PRH1: variants seen among roughly 807,000 people sequenced by gnomAD.
The protein encoded by PRH1 is salivary acidic proline-rich phosphoprotein 1/2.
PRH1 carries 7 observed loss-of-function variants against 7.9 expected under a neutral mutation model. That is an observed-to-expected ratio of 0.89 (90% CI 0.50 to 1.67). PRH1 has a LOEUF of 1.67. Among genes scored for constraint, PRH1 ranks in the 40% most tolerant of loss-of-function variants. The pLI, the probability that PRH1 is intolerant of heterozygous loss-of-function variation, is 0.00. For synonymous variants in PRH1, 45 were observed against 80.8 expected, an observed-to-expected ratio of 0.56 and a Z score of 2.38; for missense variants, 109 against 223.6, an observed-to-expected ratio of 0.49 and a Z score of 3.27.
chr12:11,039,281 A>G (rs1286417838), intron 1 of PRH1, among the ~76,000 whole-genome samples: 13 of 152,334 alleles, frequency 8.5e-5, no homozygotes, highest in African/African-American at 3.1e-4. Flanking sequence ...AGTGTGCAGT[A>G]ATGTTGTTTT....
chr12:11,032,936 A>T (rs569361583), intron 1 of PRH1, among the ~76,000 whole-genome samples: 2 of 152,174 alleles, frequency 1.3e-5, no homozygotes, highest in Non-Finnish European at 2.9e-5. Context: ...TTACCATAAG[A>T]GTATGGCCTA....
chr12:11,122,404 C>A (rs1454349185), intron 1 of PRH1, among the ~76,000 whole-genome samples: 1 of 152,214 alleles, frequency 6.6e-6, no homozygotes, highest in African/African-American at 2.4e-5. Context: ...ATATGAGATA[C>A]AAATATCTAA....
intron 1 of PRH1, among the ~76,000 whole-genome samples, chr12:11,013,432 C>T (rs942860941): frequency 2.6e-5 from 4 of 151,912 alleles, no homozygotes; most frequent in Non-Finnish European, 5.9e-5. Context: ...TATTTCACAC[C>T]ATACACAAAA....
chr12:11,097,926 C>A (rs1945109853), intron 1 of PRH1, among the ~76,000 whole-genome samples: 1 of 97,788 alleles, frequency 1.0e-5, no homozygotes, highest in East Asian at 2.6e-4. Context: ...GGTATTTCAT[C>A]AAGAATAATG....
At chr12:11,134,090 G>A (rs374458254) in intron 1 of PRH1, 52 of 1,613,966 alleles carry the variant, frequency 3.2e-5, no homozygotes, top group African/African-American at 4.0e-5. Context: ...TCTGGAGACC[G>A]CCAGAGCAGT....
At chr12:11,012,432 T>A (rs925304038) in intron 1 of PRH1, among the ~76,000 whole-genome samples, 1 of 152,166 alleles carries the variant, frequency 6.6e-6, no homozygotes, top group Non-Finnish European at 1.5e-5. Flanking sequence ...GTAGTCCTTA[T>A]GAGGTGCTAG....
chr12:11,115,413 G>T lies in PRH1; in HGVS notation n.123+56009C>A, dbSNP rs962791971. On this transcript the variant is annotated intron_variant and non_coding_transcript_variant, in intron 1 of 4. Coordinates refer to the PRH1 transcript ENST00000541977. ...CAGATATATAAAGCAAATACTATTA[G>T]ACCAAAGCAAAGAGAAAGCCTCAAT... 2.8e-5 allele frequency among the ~76,000 whole-genome samples: 4 copies of T among 144,014 alleles called. No homozygotes were observed. The South Asian group carries it at 8.4e-4, about 30-fold the overall frequency. The allele number at this position is 144,014 out of a possible 152,430, so 94.5% of individuals were successfully genotyped here.
intron 1 of PRH1, among the ~76,000 whole-genome samples, chr12:10,987,071 A>G (rs1465229769): frequency 6.6e-6 from 1 of 152,110 alleles, no homozygotes; most frequent in African/African-American, 2.4e-5. Flanking sequence ...AAACATTCTT[A>G]TTTTCAAAAC....
Position 11,075,730 on chromosome 12 carries a change from G to C in PRH1, n.124-28542C>G, listed in dbSNP as rs1203669193. On this transcript the variant is annotated intron_variant and non_coding_transcript_variant, in intron 1 of 4. Coordinates refer to the PRH1 transcript ENST00000541977. Reference sequence around the variant, plus strand: ...ACAGTGATACTTCCCCTAGAATTGGGGAATAGCCAAACTTTTGCTCTGAGA... The same window carrying C: ...ACAGTGATACTTCCCCTAGAATTGGCGAATAGCCAAACTTTTGCTCTGAGA... Among the ~76,000 whole-genome samples, 3 of 137,882 alleles carry C rather than the reference G, an allele frequency of 2.2e-5. No homozygotes were observed. The Admixed American group carries it at 2.2e-4, about 10-fold the overall frequency. 90.5% of individuals were successfully genotyped at this position (137,882 alleles called of 152,430 possible).
chr12:11,143,612 A>G (rs951637283), intron 1 of PRH1, among the ~76,000 whole-genome samples: 1 of 152,178 alleles, frequency 6.6e-6, no homozygotes, highest in Admixed American at 6.5e-5. Flanking sequence ...CTATACAGAC[A>G]TGCACAGATA....
rs545720925 is a variant in PRH1 at position 11,158,318 on chromosome 12, A to G, written n.39+13104T>C. ...AGTCAAAGTAGCACTACACATCCAC[A>G]AACATATCCAAGCATTACACTGATA... On this transcript the variant is annotated intron_variant and non_coding_transcript_variant, in intron 1 of 1. Transcript: ENST00000541175. Among the ~76,000 whole-genome samples, 11 of 152,318 alleles carry G rather than the reference A, an allele frequency of 7.2e-5. No individual in the cohort carries two copies. In the South Asian group the frequency reaches 1.2e-3, roughly 17 times the overall value.
chr12:10,958,211 C>G (rs1166269173), intron 2 of PRH1, among the ~76,000 whole-genome samples: 1 of 152,082 alleles, frequency 6.6e-6, no homozygotes, highest in Non-Finnish European at 1.5e-5. Flanking sequence ...TACATACACA[C>G]CATGGAATAC....
chr12:11,068,260 TAG>T (rs1360561083), intron 1 of PRH1, among the ~76,000 whole-genome samples: 1 of 152,350 alleles, frequency 6.6e-6, no homozygotes, highest in East Asian at 1.9e-4. Flanking sequence ...TGTTTCACTG[TAG>T]AGTTTTATCA....
At chr12:10,882,060 T>C (rs1949409330) in intron 3 of PRH1, among the ~76,000 whole-genome samples, 157 bp downstream of exon 3, 1 of 152,204 alleles carries the variant, frequency 6.6e-6, no homozygotes, top group Admixed American at 6.5e-5. Context: ...GGTCACAGGG[T>C]CTTGATACTC....
At chr12:11,029,598 T>C (rs1383012594) in intron 1 of PRH1, among the ~76,000 whole-genome samples, 1 of 152,280 alleles carries the variant, frequency 6.6e-6, no homozygotes, top group Admixed American at 6.5e-5. Context: ...CAGCTTTTCT[T>C]TAATTCAAAA....
At chr12:10,948,895 G>C (rs924037781) in intron 2 of PRH1, among the ~76,000 whole-genome samples, 3 of 152,096 alleles carry the variant, frequency 2.0e-5, no homozygotes, top group Non-Finnish European at 4.4e-5. Flanking sequence ...GGCATTTTTG[G>C]TGTTGAAGTT....
chr12:11,169,361 A>G (rs1225105331), intron 1 of PRH1, among the ~76,000 whole-genome samples: 1 of 152,194 alleles, frequency 6.6e-6, no homozygotes, highest in East Asian at 1.9e-4. Flanking sequence ...GAAAGAAGGA[A>G]ATCTTTCTTC....
intron 2 of PRH1, among the ~76,000 whole-genome samples, chr12:10,924,427 T>C (rs1446151046): frequency 6.6e-6 from 1 of 152,248 alleles, no homozygotes; most frequent in Non-Finnish European, 1.5e-5. Flanking sequence ...CTCATTGTGG[T>C]ATTTCATGTA....
intron 3 of PRH1, among the ~76,000 whole-genome samples, chr12:10,881,807 T>G (rs1949405018): frequency 6.6e-6 from 1 of 152,300 alleles, no homozygotes; most frequent in Admixed American, 6.5e-5. Context: ...ATTTTACAAC[T>G]GAAAGTTCAA....
Sources: gnomAD v4.1 joint callset for allele counts (sites outside exome capture counted in the v4.1 genomes callset) on GRCh38, gnomAD v4.1.1 for gene constraint, MANE v1.5 for transcripts, NCBI Gene and HGNC (gene_info 2026-07-23, HGNC 2026-07-21) for gene names.